The following ADAMTSL1 variants were observed in gnomAD, a reference collection of about 807,000 sequenced individuals.
ADAMTSL1 encodes the protein ADAMTS-like protein 1.
Under a neutral mutation model 201.8 loss-of-function variants are expected in ADAMTSL1, and 126 were observed. That is an observed-to-expected ratio of 0.62 (90% confidence interval 0.54 to 0.72). The LOEUF (loss-of-function observed/expected upper bound fraction) is 0.72, where lower values mean the gene tolerates loss of function less well. Ranked by LOEUF, ADAMTSL1 falls within the 30% of genes least tolerant of loss-of-function variation. ADAMTSL1 has a pLI of 0.00. For missense variants in ADAMTSL1, 2,679 were observed against 2,277.8 expected (o/e 1.18, Z -3.59); for synonymous variants, 1,121 against 903.4 (o/e 1.24, Z -4.32).
At chr9:18,270,820 C>G (rs1832330595) in intron 2 of ADAMTSL1, among the ~76,000 whole-genome samples, 1 of 152,016 alleles carries the variant, frequency 6.6e-6, no homozygotes, top group Non-Finnish European at 1.5e-5. Flanking sequence ...CTGGTTCTAC[C>G]CAAGGGAAAT....
At position 18,829,904 on chromosome 9, in the gene ADAMTSL1, G is replaced by A. The variant is rs202124252; in HGVS notation, c.4176G>A (p.Pro1392=). ...GGGCCTTGCTCGCTGCCACTGGACCGAACCTTCCTTCAGTGCTGACGTCTC... is the reference window on the plus strand; with the variant it reads ...GGGCCTTGCTCGCTGCCACTGGACCAAACCTTCCTTCAGTGCTGACGTCTC... ...DIRALLAATG[P]NLPSVLTSPL... The change falls in exon 23 of 29, where the codon CCG becomes CCA. Residue 1392 remains proline (P), a synonymous_variant. Coordinates refer to ENST00000380548, the MANE Select transcript of ADAMTSL1 (RefSeq NM_001040272.6). 11 of 1,613,792 alleles carry A rather than the reference G, an allele frequency of 6.8e-6. No homozygotes were observed. Among genetic ancestry groups the A allele is most frequent in the African/African-American group, 2.7e-5 (2 of 74,888 alleles).
At chr9:18,551,449 A>T (rs1033547522) in intron 3 of ADAMTSL1, among the ~76,000 whole-genome samples, 49 of 151,384 alleles carry the variant, frequency 3.2e-4, no homozygotes, top group Non-Finnish European at 5.9e-5. Flanking sequence ...AGTTTATTTT[A>T]TATTGAGATT....
At chr9:18,304,426 A>T (rs991956181) in intron 2 of ADAMTSL1, among the ~76,000 whole-genome samples, 2 of 148,156 alleles carry the variant, frequency 1.3e-5, no homozygotes, top group African/African-American at 5.3e-5. Context: ...TACTGTGCCT[A>T]GTGTTATCAT....
chr9:18,243,653 C>T (rs558337647), intron 2 of ADAMTSL1, among the ~76,000 whole-genome samples: 2 of 152,182 alleles, frequency 1.3e-5, no homozygotes, highest in South Asian at 2.1e-4. Flanking sequence ...CTTAAGCCTT[C>T]CTGCTCTTTC....
At chr9:18,146,088 G>C (rs189382319) in intron 1 of ADAMTSL1, among the ~76,000 whole-genome samples, 34 of 152,240 alleles carry the variant, frequency 2.2e-4, no homozygotes, top group Admixed American at 5.2e-4. Context: ...ATTAATTGTT[G>C]AGAAGGATAC....
intron 16 of ADAMTSL1, among the ~76,000 whole-genome samples, chr9:18,758,096 A>G (rs1469368191): frequency 6.6e-6 from 1 of 152,212 alleles, no homozygotes; most frequent in Non-Finnish European, 1.5e-5. Context: ...TTTAACACTC[A>G]TTCGCTGCAC....
intron 2 of ADAMTSL1, among the ~76,000 whole-genome samples, chr9:18,325,817 T>G (rs571932028): frequency 9.4e-4 from 143 of 152,136 alleles, no homozygotes; most frequent in South Asian, 4.4e-3. Context: ...CTCTGCTCAC[T>G]GCAACCTCCG....
At chr9:18,836,712 G>T (rs1335335896) in intron 23 of ADAMTSL1, among the ~76,000 whole-genome samples, 1 of 152,120 alleles carries the variant, frequency 6.6e-6, no homozygotes, top group Non-Finnish European at 1.5e-5. Flanking sequence ...TAATGATATT[G>T]GTTCTTCTAA....
At chr9:18,684,053 C>T (rs80036588) in intron 12 of ADAMTSL1, among the ~76,000 whole-genome samples, 1 of 152,154 alleles carries the variant, frequency 6.6e-6, no homozygotes, top group African/African-American at 2.4e-5. Flanking sequence ...CTTCATTTTT[C>T]TCCTCCACAA....
chr9:18,662,983 G>A (rs1277870849), intron 9 of ADAMTSL1, among the ~76,000 whole-genome samples: 2 of 152,142 alleles, frequency 1.3e-5, no homozygotes, highest in Non-Finnish European at 2.9e-5. Context: ...GGATTTTTGA[G>A]AAACATCTCA....
chr9:18,685,829 C>T (rs1830794395), intron 13 of ADAMTSL1, among the ~76,000 whole-genome samples: 1 of 152,108 alleles, frequency 6.6e-6, no homozygotes, highest in South Asian at 2.1e-4. Flanking sequence ...AGATTTGTAC[C>T]ATAACCAAAG....
chr9:18,125,189 A>G (rs1308013680), intron 1 of ADAMTSL1, among the ~76,000 whole-genome samples: 1 of 152,200 alleles, frequency 6.6e-6, no homozygotes, highest in Admixed American at 6.5e-5. Context: ...GTGGAAGGCA[A>G]GGAGGAGCAA....
intron 2 of ADAMTSL1, among the ~76,000 whole-genome samples, chr9:18,290,784 T>TTTTG (rs1563862843): frequency 1.4e-4 from 13 of 95,374 alleles, no homozygotes; most frequent in Admixed American, 1.4e-4. Context: ...TTTGTGTGTT[T>TTTTG]TTTTTTTTTT....
chr9:18,088,255 T>C (rs1823854490), intron 1 of ADAMTSL1, among the ~76,000 whole-genome samples: 2 of 152,120 alleles, frequency 1.3e-5, no homozygotes, highest in African/African-American at 4.8e-5. Context: ...TTTAAGTAGA[T>C]TAAATACTTA....
chr9:18,696,290 T>C (rs1831544202), intron 13 of ADAMTSL1, among the ~76,000 whole-genome samples: 1 of 152,150 alleles, frequency 6.6e-6, no homozygotes, highest in South Asian at 2.1e-4. Context: ...AAGAGGGTGA[T>C]CCAGGGTGCA....
At chr9:18,655,938 T>G (rs1242731399) in intron 7 of ADAMTSL1, among the ~76,000 whole-genome samples, 3 of 151,678 alleles carry the variant, frequency 2.0e-5, no homozygotes, top group African/African-American at 7.3e-5. Context: ...CTATAGGCAG[T>G]GCTCTTTTTT....
At chr9:18,140,134 A>G (rs1332129703) in intron 1 of ADAMTSL1, among the ~76,000 whole-genome samples, 3 of 152,150 alleles carry the variant, frequency 2.0e-5, no homozygotes, top group Non-Finnish European at 4.4e-5. Context: ...ACCCTAGCCT[A>G]CTCTTAAAGA....
intron 1 of ADAMTSL1, among the ~76,000 whole-genome samples, chr9:17,986,096 A>G (rs1423685805): frequency 6.6e-6 from 1 of 152,136 alleles, no homozygotes; most frequent in African/African-American, 2.4e-5. Flanking sequence ...ATACCAATTC[A>G]GTTATTTGCA....
At chr9:18,843,645 C>A (rs184980172) in intron 23 of ADAMTSL1, among the ~76,000 whole-genome samples, 5,845 of 150,888 alleles carry the variant, frequency 0.039, 202 homozygotes, top group South Asian at 0.092. Flanking sequence ...AACTTGGTTC[C>A]ATTCTCCCCA....
Sources: gnomAD v4.1 joint callset for allele counts (sites outside exome capture counted in the v4.1 genomes callset) on GRCh38, gnomAD v4.1.1 for gene constraint, MANE v1.5 for transcripts, NCBI Gene and HGNC (gene_info 2026-07-23, HGNC 2026-07-21) for gene names.